Variants in MGAT4C observed in about 807,000 individuals in gnomAD.
MGAT4C encodes the protein alpha-1,3-mannosyl-glycoprotein 4-beta-N-acetylglucosaminyltransferase C.
MGAT4C carries 19 observed loss-of-function variants against 40.1 expected under a neutral mutation model. The observed-to-expected ratio is 0.47, with a 90% confidence interval of 0.33 to 0.70. The LOEUF is 0.70. Ranked by LOEUF, MGAT4C falls within the 30% of genes least tolerant of loss-of-function variation. MGAT4C has a pLI of 0.02. For missense variants in MGAT4C, 491 were observed against 563.2 expected, an observed-to-expected ratio of 0.87 and a Z score of 1.30; for synonymous variants, 181 against 187.1, an observed-to-expected ratio of 0.97 and a Z score of 0.27.
chr12:86,207,761 A>G (rs1306420485), intron 1 of MGAT4C, among the ~76,000 whole-genome samples: 1 of 152,198 alleles, frequency 6.6e-6, no homozygotes, highest in African/African-American at 2.4e-5. Flanking sequence ...CTAATTTTTT[A>G]AAAAAGCAAT....
intron 1 of MGAT4C, among the ~76,000 whole-genome samples, chr12:86,054,324 A>G (rs527905863): frequency 2.6e-5 from 4 of 152,190 alleles, no homozygotes; most frequent in African/African-American, 9.6e-5. Flanking sequence ...GCACAAAGAG[A>G]CAGATATCAC....
chr12:86,120,525 C>T, intron 1 of MGAT4C, among the ~76,000 whole-genome samples: 1 of 152,140 alleles, frequency 6.6e-6, no homozygotes, highest in Non-Finnish European at 1.5e-5. Context: ...CAGCCAGGTG[C>T]CCCTCTGAGA....
intron 1 of MGAT4C, among the ~76,000 whole-genome samples, chr12:86,775,661 A>G (rs1418003526): frequency 6.6e-6 from 1 of 151,662 alleles, no homozygotes; most frequent in African/African-American, 2.4e-5. Flanking sequence ...GGTTAAAAAA[A>G]AGGTCTCACA....
intron 2 of MGAT4C, chr12:86,011,775 T>A: frequency 1.1e-6 from 1 of 926,134 alleles, no homozygotes; most frequent in Non-Finnish European, 1.3e-6. Flanking sequence ...AAACACTATA[T>A]TGAACATGGC....
chr12:86,251,555 C>A (rs572793010), intron 1 of MGAT4C, among the ~76,000 whole-genome samples: 2 of 152,112 alleles, frequency 1.3e-5, no homozygotes, highest in Admixed American at 6.6e-5. Flanking sequence ...CTCTTCTGTA[C>A]TTCAAATGGA....
chr12:86,719,559 A>T (rs1248885046), intron 2 of MGAT4C, among the ~76,000 whole-genome samples: 1 of 152,192 alleles, frequency 6.6e-6, no homozygotes, highest in African/African-American at 2.4e-5. Flanking sequence ...ATGATGGCTC[A>T]GTCTTATTGC....
At chr12:86,201,932 A>T (rs1471909712) in intron 1 of MGAT4C, among the ~76,000 whole-genome samples, 2 of 152,102 alleles carry the variant, frequency 1.3e-5, no homozygotes, top group Non-Finnish European at 2.9e-5. Flanking sequence ...ATTGTGCTTC[A>T]ATTAAAATTT....
chr12:86,266,122 CTT>C (rs1952781463), intron 4 of MGAT4C, among the ~76,000 whole-genome samples: 1 of 151,960 alleles, frequency 6.6e-6, no homozygotes, highest in Non-Finnish European at 1.5e-5. Context: ...GTTTGTATAC[CTT>C]TTATTTCTTT....
chr12:85,979,093 C>T lies in MGAT4C; in HGVS notation c.*196G>A, dbSNP rs529667272. On this transcript the variant is annotated 3_prime_UTR_variant, in exon 5 of 5. Coordinates refer to ENST00000611864, the MANE Select transcript of MGAT4C (RefSeq NM_001351288.2). ...GTAGCATTAGCTATAGACTGATATT[C>T]AACTTCAGACGTTAAAATAAATACA... 1 of 438,700 alleles carries T rather than the reference C, an allele frequency of 2.3e-6. No homozygotes were observed. Among genetic ancestry groups the T allele is most frequent in the Non-Finnish European group, 4.0e-6 (1 of 248,826 alleles). The allele number at this position is 438,700 out of a possible 1,614,324, so 27.2% of individuals were successfully genotyped here.
chr12:86,217,506 T>G (rs2135977734), intron 1 of MGAT4C, among the ~76,000 whole-genome samples: 1 of 152,300 alleles, frequency 6.6e-6, no homozygotes, highest in Non-Finnish European at 1.5e-5. Context: ...GTAAACATGT[T>G]TTGTGCCACA....
intron 2 of MGAT4C, chr12:86,601,259 G>T (rs146407145): frequency 2.6e-5 from 4 of 152,376 alleles, no homozygotes; most frequent in African/African-American, 9.6e-5. Flanking sequence ...GCCTGGCGGC[G>T]AGACGGCCAT....
At chr12:86,500,349 A>G (rs1958318391) in intron 2 of MGAT4C, among the ~76,000 whole-genome samples, 1 of 151,816 alleles carries the variant, frequency 6.6e-6, no homozygotes, top group Non-Finnish European at 1.5e-5. Context: ...CCCAAAGAGA[A>G]AGAGAGAGAG....
intron 1 of MGAT4C, among the ~76,000 whole-genome samples, chr12:86,055,220 C>T (rs190592862): frequency 6.6e-6 from 1 of 152,106 alleles, no homozygotes; most frequent in Non-Finnish European, 1.5e-5. Flanking sequence ...TTTATTCAAA[C>T]TACAGCTACT....
chr12:86,504,207 A>G (rs986111300), intron 2 of MGAT4C, among the ~76,000 whole-genome samples: 1 of 152,098 alleles, frequency 6.6e-6, no homozygotes, highest in East Asian at 1.9e-4. Flanking sequence ...AGTTTCATAT[A>G]TTATTGGTAT....
rs181250848 is a variant in MGAT4C, at chr12:86,727,041, G to A, written c.-229+168C>T. ...CTCTATTGTAATCACATCTTCAAAT[G>A]TATGTTTTCTTCATTCTCATCTATG... On this transcript the variant is annotated intron_variant, in intron 2 of 7. Coordinates refer to the MGAT4C transcript ENST00000548651. Among the ~76,000 whole-genome samples, 471 of 152,182 alleles carry A rather than the reference G, an allele frequency of 3.1e-3. 3 individuals are homozygous for A. The highest frequency in any genetic ancestry group is 0.014 in the Middle Eastern group (4 of 294).
intron 3 of MGAT4C, among the ~76,000 whole-genome samples, chr12:86,354,504 T>C (rs1276216921): frequency 1.3e-5 from 2 of 151,856 alleles, no homozygotes; most frequent in Non-Finnish European, 2.9e-5. Flanking sequence ...GCCCTTGAAA[T>C]GAATGGAAGG....
chr12:86,296,784 C>T (rs1209772830), intron 4 of MGAT4C, among the ~76,000 whole-genome samples: 1 of 152,200 alleles, frequency 6.6e-6, no homozygotes, highest in Non-Finnish European at 1.5e-5. Flanking sequence ...CCCTCCACAC[C>T]TCCCTGCAAG....
chr12:86,070,569 T>C lies in MGAT4C; in HGVS notation c.-56-20846A>G, dbSNP rs73175628. On this transcript the variant is annotated intron_variant, in intron 1 of 4. Coordinates refer to ENST00000611864, the MANE Select transcript of MGAT4C (RefSeq NM_001351288.2). ...TTGATGATCTATAGGAAAAATTCCC[T>C]TGGTGATCTGAAATTTGTACAGGTG... 9.2e-3 allele frequency among the ~76,000 whole-genome samples: 1,399 copies of C among 152,232 alleles called. 13 individuals are homozygous for C. The highest frequency in any genetic ancestry group is 0.024 in the Middle Eastern group (7 of 294).
At chr12:86,756,023 G>T (rs1272327902) in intron 1 of MGAT4C, among the ~76,000 whole-genome samples, 3 of 151,630 alleles carry the variant, frequency 2.0e-5, no homozygotes, top group Non-Finnish European at 2.9e-5. Context: ...AATTTTTAAA[G>T]TTTTTTAAAT....
Sources: gnomAD v4.1 joint callset for allele counts (sites outside exome capture counted in the v4.1 genomes callset) on GRCh38, gnomAD v4.1.1 for gene constraint, MANE v1.5 for transcripts, NCBI Gene and HGNC (gene_info 2026-07-23, HGNC 2026-07-21) for gene names.